BSN: variants seen among roughly 807,000 people sequenced by gnomAD.
BSN encodes bassoon presynaptic cytomatrix protein.
Under a neutral mutation model 264.8 loss-of-function variants are expected in BSN, and 57 were observed. The observed-to-expected ratio is 0.22, with a 90% CI of 0.17 to 0.27. The LOEUF (loss-of-function observed/expected upper bound fraction) is 0.27. BSN is among the 10% of genes least tolerant of loss of function. BSN has a pLI of 1.00. For missense variants in BSN, 4,615 were observed against 5,232.5 expected (o/e 0.88, Z 3.64); for synonymous variants, 2,059 against 2,137.3 (o/e 0.96, Z 1.01).
At chr3:49,555,434 A>C (rs549278964) in intron 1 of BSN, among the ~76,000 whole-genome samples, 21 of 152,310 alleles carry the variant, frequency 1.4e-4, no homozygotes, top group African/African-American at 5.1e-4. Flanking sequence ...ATGTGCTTTC[A>C]CCAAGGTTTA....
rs996823995 is a variant in BSN, at chr3:49,658,083, A to G, written c.8527A>G (p.Met2843Val). The change falls in exon 5 of 12, where the codon ATG becomes GTG. Residue 2843 changes from methionine (M) to valine (V), a missense_variant. Around this residue, in one of 3 missense-constraint regions of BSN, gnomAD observed 3,415 missense variants for 3,866.4 expected, o/e 0.88. Transcript: ENST00000296452. ...ALRQQTLPRP[M>V]KTLQRSLSDP... ...CCGCCAGCAGACGCTGCCTCGCCCC[A>G]TGAAGACCCTGCAGCGGTCCCTGTC... 1 of 1,613,330 alleles carries G rather than the reference A, an allele frequency of 6.2e-7. No homozygotes were observed. The highest frequency in any genetic ancestry group is 2.2e-5 in the East Asian group (1 of 44,876).
At chr3:49,579,062 A>G (rs1355492179) in intron 1 of BSN, among the ~76,000 whole-genome samples, 1 of 152,022 alleles carries the variant, frequency 6.6e-6, no homozygotes, top group Non-Finnish European at 1.5e-5. Flanking sequence ...ATCATGGCTT[A>G]CTGTAACCTC....
chr3:49,623,022 C>G (rs539848002), intron 1 of BSN, among the ~76,000 whole-genome samples: 5 of 151,696 alleles, frequency 3.3e-5, no homozygotes, highest in Admixed American at 6.6e-5. Context: ...TTTATTAGAC[C>G]AAGGATATGT....
rs1354098288 is a variant in BSN at position 49,660,887 on chromosome 3, C to T, written c.9042C>T (p.Asp3014=). 1 of 1,613,206 alleles carries T rather than the reference C, an allele frequency of 6.2e-7. No homozygotes were observed. The highest frequency in any genetic ancestry group is 1.1e-5 in the South Asian group (1 of 91,080). The part of the protein sequence containing the change: ...GLGEHRDYLS[D]SELNQLRLQG... ...GCGAGCATCGTGACTACCTATCGGA[C>T]AGTGAGCTCAACCAGCTGCGGCTCC... Residue 3014 remains aspartate (D), a synonymous_variant, in exon 6 of 12, where the codon GAC becomes GAT. Transcript: ENST00000296452. The surrounding 1 kb of genome is among the most constrained non-coding windows in gnomAD (Gnocchi z 7.1).
intron 1 of BSN, among the ~76,000 whole-genome samples, chr3:49,577,542 C>CT (rs60498586): frequency 1.8e-3 from 269 of 145,592 alleles, no homozygotes; most frequent in African/African-American, 3.4e-3. Context: ...TCTTTTCTTT[C>CT]TTTTTTTTTT....
At chr3:49,555,548 C>T (rs1467807520) in intron 1 of BSN, among the ~76,000 whole-genome samples, 1 of 152,188 alleles carries the variant, frequency 6.6e-6, no homozygotes, top group Admixed American at 6.5e-5. Flanking sequence ...AAGCTGAAAC[C>T]CACACAGAAT....
At position 49,657,940 on chromosome 3, in the gene BSN, A is replaced by G; in HGVS notation, c.8384A>G (p.Tyr2795Cys). 1 of 1,613,140 alleles carries G rather than the reference A, an allele frequency of 6.2e-7. No homozygotes were observed. The highest frequency in any genetic ancestry group is 8.5e-7 in the Non-Finnish European group (1 of 1,179,536). ...CCTCCCAAGTCCCCTCAGGTCCTCT[A>G]CTCACCAGTCTCACCCCTGTCCCCT... ...RQPPKSPQVL[Y>C]SPVSPLSPHR... Residue 2795 changes from tyrosine to cysteine, a missense_variant, in exon 5 of 12, where the codon TAC becomes TGC. Around this residue, in one of 3 missense-constraint regions of BSN, gnomAD observed 3,415 missense variants for 3,866.4 expected, o/e 0.88. Transcript: ENST00000296452.
At chr3:49,624,840 G>A in intron 1 of BSN, 135 bp from the exon 2 acceptor site, 1 of 785,994 alleles carries the variant, frequency 1.3e-6, no homozygotes, top group Non-Finnish European at 1.9e-6. Context: ...CAGCAAATGA[G>A]GGCCATGATG....
At position 49,656,042 on chromosome 3, in the gene BSN, G is replaced by A. The variant is rs763032158; in HGVS notation, c.6486G>A (p.Gly2162=). Residue 2162 remains glycine, a synonymous_variant, in exon 5 of 12, where the codon GGG becomes GGA. Coordinates refer to ENST00000296452, the MANE Select transcript of BSN (RefSeq NM_003458.4). ...TTCCAGAGGGCCACCCAAGTCCTGG[G>A]AACTTGGCCCAGTATGGGCCTGCAG... ...PTFPEGHPSP[G]NLAQYGPAAG... 6.2e-7 allele frequency: 1 copy of A among 1,603,438 alleles called. No homozygotes were observed. Among genetic ancestry groups the A allele is most frequent in the East Asian group, 2.2e-5 (1 of 44,712 alleles).
chr3:49,561,110 C>T (rs1388966431), intron 1 of BSN, among the ~76,000 whole-genome samples: 1 of 152,212 alleles, frequency 6.6e-6, no homozygotes, highest in East Asian at 1.9e-4. Context: ...CACATGGAGG[C>T]ACATGGGAAG....
chr3:49,651,189 G>C lies in BSN; in HGVS notation c.1986+110G>C. On this transcript the variant is annotated intron_variant, in intron 4 of 11. Transcript: ENST00000296452. This position sits in a 1 kb window ranked among gnomAD's most constrained non-coding sequence, Gnocchi z 5.4. Reference sequence around the variant, plus strand: ...GTAGGCTCAGGACAGGTGCCTTGGGGCCACACAGGAGGGAAGGGACACAGT... The same window carrying C: ...GTAGGCTCAGGACAGGTGCCTTGGGCCCACACAGGAGGGAAGGGACACAGT... 1.8e-6 allele frequency: 2 copies of C among 1,102,242 alleles called. No homozygotes were observed. Among genetic ancestry groups the C allele is most frequent in the Non-Finnish European group, 2.5e-6 (2 of 791,002 alleles). 68.3% of individuals were successfully genotyped at this position (1,102,242 alleles called of 1,614,324 possible).
chr3:49,560,404 C>T (rs2051703704), intron 1 of BSN, among the ~76,000 whole-genome samples: 1 of 152,238 alleles, frequency 6.6e-6, no homozygotes, highest in Non-Finnish European at 1.5e-5. Context: ...AGACATTCTG[C>T]TAGGTGTTTT....
chr3:49,650,967 A>G lies in BSN; in HGVS notation c.1874A>G (p.Glu625Gly). 2 of 1,614,168 alleles carry G rather than the reference A, an allele frequency of 1.2e-6. No individual in the cohort carries two copies. Among genetic ancestry groups the G allele is most frequent in the Non-Finnish European group, 1.7e-6 (2 of 1,180,034 alleles). ...GAGCCCATGCCGAAGCCACCTCCAG[A>G]GACTACCCCAACCCCTGCGACTCCT... ...KAEPMPKPPPETTPTPATPKV... is the reference protein window; with the variant it reads ...KAEPMPKPPPGTTPTPATPKV... The change falls in exon 4 of 12, where the codon GAG becomes GGG. Residue 625 changes from glutamate (E) to glycine (G), a missense_variant. Around this residue, in one of 3 missense-constraint regions of BSN, gnomAD observed 1,197 missense variants for 1,348.0 expected, o/e 0.89. Transcript: ENST00000296452.
Position 49,664,453 on chromosome 3 carries a change from C to G in BSN, c.11639C>G (p.Thr3880Ser). Residue 3880 changes from threonine to serine, a missense_variant, in exon 9 of 12, where the codon ACC becomes AGC. Thr to Ser is a moderately conservative substitution (Grantham distance 58). Coordinates refer to ENST00000296452, the MANE Select transcript of BSN (RefSeq NM_003458.4). ...AAGGCTGGAGCCAGGCCTGGAGGAACCCCAGGGGCTCCCGCCGGCCAGCCA... is the reference window on the plus strand; with the variant it reads ...AAGGCTGGAGCCAGGCCTGGAGGAAGCCCAGGGGCTCCCGCCGGCCAGCCA... ...GVKAGARPGGTPGAPAGQPGA... is the reference protein window; with the variant it reads ...GVKAGARPGGSPGAPAGQPGA... 6.2e-7 allele frequency: 1 copy of G among 1,613,736 alleles called. No individual in the cohort carries two copies. Among genetic ancestry groups the G allele is most frequent in the Non-Finnish European group, 8.5e-7 (1 of 1,179,998 alleles).
chr3:49,651,453 C>A lies in BSN; in HGVS notation c.1987-90C>A. ...ACCCTTGGGAAATGGACAGACTCTT[C>A]CCCAGGGTCCTGGGATTGACAGGGA... On this transcript the variant is annotated intron_variant, in intron 4 of 11. Transcript: ENST00000296452. The surrounding 1 kb of genome is among the most constrained non-coding windows in gnomAD (Gnocchi z 5.4). 1 of 1,378,858 alleles carries A rather than the reference C, an allele frequency of 7.3e-7. No homozygotes were observed. The highest frequency in any genetic ancestry group is 9.9e-7 in the Non-Finnish European group (1 of 1,014,650). 85.4% of individuals were successfully genotyped at this position (1,378,858 alleles called of 1,614,324 possible).
intron 1 of BSN, among the ~76,000 whole-genome samples, chr3:49,594,039 C>T (rs186945457): frequency 1.8e-3 from 277 of 151,896 alleles, no homozygotes; most frequent in Non-Finnish European, 3.5e-3. Context: ...CCTGATCTGG[C>T]GATTGGCCTC....
At chr3:49,658,245 C>A (rs753286931) in intron 5 of BSN, 49 bp downstream of exon 5, 5 of 1,480,588 alleles carry the variant, frequency 3.4e-6, no homozygotes, top group Non-Finnish European at 3.6e-6. Flanking sequence ...CTCTGCCTAG[C>A]CCGAGGGGCC....
chr3:49,591,773 G>T (rs891298948), intron 1 of BSN, among the ~76,000 whole-genome samples: 1 of 151,978 alleles, frequency 6.6e-6, no homozygotes, highest in African/African-American at 2.4e-5. Context: ...ATTTTATGTA[G>T]AGATGGGGTT....
chr3:49,651,811 G>T lies in BSN; in HGVS notation c.2255G>T (p.Gly752Val). The change falls in exon 5 of 12, where the codon GGT (glycine) becomes GTT (valine). Residue 752 changes from glycine (G) to valine (V), a missense_variant. Physicochemically the swap from Gly to Val is moderately radical, Grantham distance 109. Transcript: ENST00000296452. The surrounding 1 kb of genome is among the most constrained non-coding windows in gnomAD (Gnocchi z 5.4). ...GAGCGGAGCAAGCCACTCTCCAGCG[G>T]TACTGGCGAGGAGCAGAAGCAGCGG... ...PSERSKPLSSGTGEEQKQRPH... is the reference protein window; with the variant it reads ...PSERSKPLSSVTGEEQKQRPH... 2 of 1,613,824 alleles carry T rather than the reference G, an allele frequency of 1.2e-6. No individual in the cohort carries two copies. The highest frequency in any genetic ancestry group is 1.7e-6 in the Non-Finnish European group (2 of 1,180,030).
Sources: gnomAD v4.1 joint callset for allele counts (sites outside exome capture counted in the v4.1 genomes callset) on GRCh38, gnomAD v4.1.1 for gene constraint, gnomAD v4.1.1 regional missense constraint, Gnocchi (gnomAD v3.1) non-coding constraint, MANE v1.5 for transcripts, NCBI Gene and HGNC (gene_info 2026-07-23, HGNC 2026-07-21) for gene names.